ADH6: variants seen among roughly 807,000 people sequenced by gnomAD.
ADH6 encodes alcohol dehydrogenase 6.
Under a neutral mutation model 36.5 loss-of-function variants are expected in ADH6, and 34 were observed. The ratio of observed to expected loss-of-function variants is 0.93; its 90% CI spans 0.71 to 1.24. The LOEUF (loss-of-function observed/expected upper bound fraction) is 1.24, where lower values mean the gene tolerates loss of function less well. Ranked by LOEUF, ADH6 falls within the 50% of genes most tolerant of loss-of-function variation. The probability of loss-of-function intolerance (pLI) is 0.00; values close to 1 mark genes in which losing one functional copy is unlikely to be tolerated. For synonymous variants in ADH6, 161 were observed against 155.5 expected, an observed-to-expected ratio of 1.04 and a Z score of -0.26; for missense variants, 440 against 447.0, an observed-to-expected ratio of 0.98 and a Z score of 0.14.
Position 99,204,005 on chromosome 4 carries a change from A to T in ADH6, c.*214T>A. ...AAGCCAACCTTAATCTAGCTCTGAA[A>T]AGGAGGCTGATCCTTGGTGACACTG... On this transcript the variant is annotated 3_prime_UTR_variant, in exon 9 of 9. Coordinates refer to ENST00000394899, the MANE Select transcript of ADH6 (RefSeq NM_001102470.2). 1.9e-6 allele frequency: 1 copy of T among 536,666 alleles called. No homozygotes were observed. The highest frequency in any genetic ancestry group is 3.2e-6 in the Non-Finnish European group (1 of 315,192). 33.2% of individuals were successfully genotyped at this position (536,666 alleles called of 1,614,324 possible).
At chr4:99,209,168 A>G (rs1731138809) in intron 5 of ADH6, among the ~76,000 whole-genome samples, 5 of 152,146 alleles carry the variant, frequency 3.3e-5, no homozygotes. Context: ...AAGTCCCAGG[A>G]ATTAGTCTGA....
chr4:99,213,749 T>C lies in ADH6; in HGVS notation c.121-2A>G. Reference sequence around the variant, plus strand: ...ACCACACAGTCCGGTGGCCACAACCTGTATGGAAGGCAAAGGGTACTGCAG... The same window carrying C: ...ACCACACAGTCCGGTGGCCACAACCCGTATGGAAGGCAAAGGGTACTGCAG... On this transcript the variant is annotated splice_acceptor_variant, in intron 2 of 8. Coordinates refer to ENST00000394899, the MANE Select transcript of ADH6 (RefSeq NM_001102470.2). LOFTEE classifies it high-confidence loss of function. 1 of 1,600,140 alleles carries C rather than the reference T, an allele frequency of 6.2e-7. No homozygotes were observed. The highest frequency in any genetic ancestry group is 2.2e-5 in the East Asian group (1 of 44,626).
At position 99,202,690 on chromosome 4, in the gene ADH6, A is replaced by C. The variant is rs1311092803; in HGVS notation, c.*1529T>G. 3 of 398,052 alleles carry C rather than the reference A, an allele frequency of 7.5e-6. No individual in the cohort carries two copies. Among genetic ancestry groups the C allele is most frequent in the African/African-American group, 6.2e-5 (3 of 48,726 alleles). The allele number at this position is 398,052 out of a possible 1,614,324, so 24.7% of individuals were successfully genotyped here. ...AGCAAAGAGTGTGGACACTGTTTAC[A>C]ACAAAACGTTTCCGGGAAAACTTGG... On this transcript the variant is annotated 3_prime_UTR_variant, in exon 9 of 9. Coordinates refer to ENST00000394899, the MANE Select transcript of ADH6 (RefSeq NM_001102470.2).
chr4:99,207,982 G>A (rs983569650), intron 6 of ADH6, among the ~76,000 whole-genome samples: 2 of 152,038 alleles, frequency 1.3e-5, no homozygotes, highest in East Asian at 1.9e-4. Flanking sequence ...AACAGATACC[G>A]TTACATTCGT....
At chr4:99,207,671 G>T in intron 6 of ADH6, 90 bp from the exon 7 acceptor site, 2 of 1,325,682 alleles carry the variant, frequency 1.5e-6, no homozygotes, top group Non-Finnish European at 1.0e-6. Flanking sequence ...ACTCCTAAAT[G>T]GTCTATGACT....
intron 5 of ADH6, 36 bp downstream of exon 5, chr4:99,210,046 A>G: frequency 1.2e-6 from 2 of 1,600,156 alleles, no homozygotes; most frequent in Non-Finnish European, 1.7e-6. Flanking sequence ...CCATATCCCA[A>G]TAATTCCCTT....
chr4:99,207,785 C>A (rs1489185897), intron 6 of ADH6, among the ~76,000 whole-genome samples: 1 of 151,952 alleles, frequency 6.6e-6, no homozygotes, highest in East Asian at 1.9e-4. Flanking sequence ...TAGTACCTGG[C>A]ACTTTAGGAC....
At chr4:99,209,078 AG>A in intron 5 of ADH6, 150 bp from the exon 6 acceptor site, 1 of 887,150 alleles carries the variant, frequency 1.1e-6, no homozygotes. Flanking sequence ...ATAACTACAA[AG>A]TTTTGATTTT....
At chr4:99,215,977 C>A in intron 2 of ADH6, 184 bp downstream of exon 2, 1 of 403,056 alleles carries the variant, frequency 2.5e-6, no homozygotes, top group East Asian at 4.0e-5. Context: ...CTTTACCTCC[C>A]TAACCTTTTA....
intron 2 of ADH6, among the ~76,000 whole-genome samples, chr4:99,214,732 C>T (rs1230147341): frequency 6.6e-6 from 1 of 152,088 alleles, no homozygotes; most frequent in Non-Finnish European, 1.5e-5. Flanking sequence ...GCACATACTC[C>T]TTAGTCAAGA....
In ADH6 at chr4:99,216,253, A is replaced by G. The variant is rs1397189337; in HGVS notation, c.28T>C (p.Cys10Arg). Residue 10 changes from cysteine to arginine, a missense_variant, in exon 2 of 9, where the codon TGC (cysteine) becomes CGC (arginine). Physicochemically the swap from Cys to Arg is radical, Grantham distance 180 (BLOSUM62 -3). Transcript: ENST00000394899. ...GGCTTCCAGAGTATGGCTGCTTTGC[A>G]TCTGATGACCTGGGAAATAGAATAC... MSTTGQVIR[C>R]KAAILWKPGA... 1.3e-6 allele frequency: 2 copies of G among 1,566,670 alleles called. No homozygotes were observed. Among genetic ancestry groups the G allele is most frequent in the Admixed American group, 1.8e-5 (1 of 54,126 alleles).
At position 99,211,295 on chromosome 4, in the gene ADH6, C is replaced by T. The variant is rs548116843; in HGVS notation, c.263-793G>A. On this transcript the variant is annotated intron_variant, in intron 3 of 8. Transcript: ENST00000394899. ...ACCACGATATTTTTCAGCACTGTAA[C>T]CCCTTTAAAAATGCAAAGGTAAGCA... Among the ~76,000 whole-genome samples the T allele has an allele frequency of 4.8e-4, 73 of 152,206 alleles. 1 individual carries two copies. Among genetic ancestry groups the T allele is most frequent in the Admixed American group, 1.8e-3 (28 of 15,276 alleles).
intron 8 of ADH6, chr4:99,204,641 C>T: frequency 8.5e-7 from 1 of 1,182,934 alleles, no homozygotes; most frequent in Non-Finnish European, 1.0e-6. Context: ...AGCTGACTTC[C>T]ATTAATATGT....
intron 7 of ADH6, among the ~76,000 whole-genome samples, chr4:99,206,089 C>A (rs1218280481): frequency 1.3e-5 from 2 of 152,030 alleles, no homozygotes; most frequent in Admixed American, 1.3e-4. Context: ...TCTATGTCAA[C>A]CCTCCACTTT....
chr4:99,209,291 C>G (rs1293438364), intron 5 of ADH6, among the ~76,000 whole-genome samples: 3 of 152,140 alleles, frequency 2.0e-5, no homozygotes, highest in African/African-American at 4.8e-5. Context: ...AACCATTTCT[C>G]TCTGTCTCTC....
chr4:99,216,332 G>T, intron 1 of ADH6, 70 bp from the exon 2 acceptor site: 2 of 911,794 alleles, frequency 2.2e-6, no homozygotes, highest in Non-Finnish European at 1.6e-6. Context: ...TGCTATATTA[G>T]TGATTATAGA....
rs775274531 is a variant in ADH6, at chr4:99,216,227, A to C, written c.54T>G (p.Pro18=). 6 of 1,584,176 alleles carry C rather than the reference A, an allele frequency of 3.8e-6. No individual in the cohort carries two copies. Among genetic ancestry groups the C allele is most frequent in the Non-Finnish European group, 5.1e-6 (6 of 1,166,504 alleles). ...CCTCTTCAATAGAAAATGGTGCACC[A>C]GGCTTCCAGAGTATGGCTGCTTTGC... is the stretch of plus-strand genomic sequence containing the variant. ...IRCKAAILWK[P]GAPFSIEEVE... is the part of the protein sequence containing the mutation. Residue 18 remains proline (P), a synonymous_variant, in exon 2 of 9, where the codon CCT becomes CCG. Transcript: ENST00000394899.
In ADH6 at chr4:99,207,447, T is replaced by C. The variant is rs760721518; in HGVS notation, c.963A>G (p.Gly321=). The C allele has an allele frequency of 2.5e-6, 4 of 1,612,990 alleles. No individual in the cohort carries two copies. The South Asian group carries it at 4.4e-5, about 18-fold the overall frequency. ...CACCTTTCCCTGCTTCATCCATACC[T>C]CCAAAAACAGAACCCTTCAAAGAAC... ...SGRSLKGSVF[G]GWKSRQHIPK... is the part of the protein sequence containing the mutation. Residue 321 remains glycine (G), a splice_region_variant and synonymous_variant, in exon 7 of 9, where the codon GGA becomes GGG. Coordinates refer to ENST00000394899, the MANE Select transcript of ADH6 (RefSeq NM_001102470.2).
chr4:99,210,610 A>G (rs2110549062), intron 3 of ADH6, 108 bp from the exon 4 acceptor site: 1 of 793,024 alleles, frequency 1.3e-6, no homozygotes, highest in Non-Finnish European at 2.1e-6. Flanking sequence ...TGACAGCTGA[A>G]AATTATTTCC....
Sources: allele counts gnomAD v4.1 joint callset (sites outside exome capture counted in the v4.1 genomes callset), GRCh38; gene constraint gnomAD v4.1.1; transcripts MANE v1.5; gene names NCBI Gene and HGNC (gene_info 2026-07-23, HGNC 2026-07-21).